GNG12: variants seen among roughly 807,000 people sequenced by gnomAD.
GNG12 encodes G protein subunit gamma 12.
For synonymous variants in GNG12, 28 were observed against 29.7 expected (o/e 0.94, Z 0.19); for missense variants, 69 against 83.8 (o/e 0.82, Z 0.69).
At chr1:67,731,872 A>AT (rs1557599165) in intron 2 of GNG12, among the ~76,000 whole-genome samples, 1 of 152,084 alleles carries the variant, frequency 6.6e-6, no homozygotes, top group Non-Finnish European at 1.5e-5. Flanking sequence ...TTGTATGCTT[A>AT]TTTTTTTATA....
At chr1:67,806,794 A>G in intron 1 of GNG12, among the ~76,000 whole-genome samples, 1 of 152,316 alleles carries the variant, frequency 6.6e-6, no homozygotes, top group South Asian at 2.1e-4. Context: ...TAAAAAACTA[A>G]TAGAACTTAA....
chr1:67,792,940 ACACT>A (rs1646810018), intron 1 of GNG12, among the ~76,000 whole-genome samples: 1 of 152,124 alleles, frequency 6.6e-6, no homozygotes, highest in African/African-American at 2.4e-5. Context: ...TTATCATGAC[ACACT>A]CAGTGGACAG....
intron 1 of GNG12, among the ~76,000 whole-genome samples, chr1:67,782,484 A>G: frequency 6.6e-6 from 1 of 152,168 alleles, no homozygotes; most frequent in Non-Finnish European, 1.5e-5. Context: ...CCTGGCTGGA[A>G]GAGCTGGTCT....
At chr1:67,771,645 C>T (rs776040105) in intron 2 of GNG12, among the ~76,000 whole-genome samples, 28 of 152,192 alleles carry the variant, frequency 1.8e-4, no homozygotes, top group Non-Finnish European at 1.2e-4. Flanking sequence ...ATGATGCTAT[C>T]ATCTGTGGGC....
At chr1:67,803,956 A>G (rs1178532247) in intron 1 of GNG12, among the ~76,000 whole-genome samples, 1 of 152,176 alleles carries the variant, frequency 6.6e-6, no homozygotes, top group Non-Finnish European at 1.5e-5. Context: ...TGGAGAGGAG[A>G]TGATGGTGGG....
intron 2 of GNG12, among the ~76,000 whole-genome samples, chr1:67,766,110 A>ACACG (rs1291746018): frequency 1.0e-4 from 4 of 38,444 alleles, no homozygotes; most frequent in Admixed American, 2.8e-4. Context: ...ACACACGCAC[A>ACACG]CACACACACA....
intron 2 of GNG12, among the ~76,000 whole-genome samples, chr1:67,767,951 G>A (rs12071581): frequency 0.14 from 21,653 of 152,150 alleles, 2,195 homozygotes; most frequent in African/African-American, 0.29. Context: ...TGATTTAAAA[G>A]CTTTTTTTGG....
At chr1:67,739,072 G>A (rs535828991) in intron 2 of GNG12, among the ~76,000 whole-genome samples, 21 of 152,272 alleles carry the variant, frequency 1.4e-4, no homozygotes, top group Non-Finnish European at 2.1e-4. Context: ...CCAGCTACTT[G>A]GGAGGCTGAG....
intron 1 of GNG12, among the ~76,000 whole-genome samples, chr1:67,785,955 C>T (rs1163352644): frequency 6.6e-6 from 1 of 152,058 alleles, no homozygotes; most frequent in African/African-American, 2.4e-5. Flanking sequence ...ACACAGCACA[C>T]AAGTACTAAA....
At position 67,822,142 on chromosome 1, in the gene GNG12, C is replaced by T. The variant is rs1012123036; in HGVS notation, c.-77+11202G>A. 2.6e-5 allele frequency among the ~76,000 whole-genome samples: 4 copies of T among 152,066 alleles called. No individual in the cohort carries two copies. In the South Asian group the frequency reaches 8.3e-4, roughly 32 times the overall value. ...ATTTGTATTGGGCCGCATTCAAAGT[C>T]GTCCTGGGCCGCATGCGCCCTGCAT... On this transcript the variant is annotated intron_variant, in intron 1 of 3. Transcript: ENST00000370982.
At chr1:67,757,882 A>C (rs1056813599) in intron 2 of GNG12, among the ~76,000 whole-genome samples, 1 of 152,260 alleles carries the variant, frequency 6.6e-6, no homozygotes, top group African/African-American at 2.4e-5. Flanking sequence ...ACTTAAAAAG[A>C]AAACGCAGCA....
chr1:67,764,427 C>T (rs1173141729), intron 2 of GNG12, among the ~76,000 whole-genome samples: 1 of 152,180 alleles, frequency 6.6e-6, no homozygotes, highest in Non-Finnish European at 1.5e-5. Context: ...CAAAGCCTAC[C>T]CTTCTCCTCT....
chr1:67,819,165 A>C (rs1486272764), intron 1 of GNG12, among the ~76,000 whole-genome samples: 1 of 152,084 alleles, frequency 6.6e-6, no homozygotes, highest in African/African-American at 2.4e-5. Context: ...CCCAGGCTTT[A>C]GTTGGGGGCA....
chr1:67,731,936 G>A lies in GNG12; in HGVS notation c.-26-24224C>T, dbSNP rs112903598. Among the ~76,000 whole-genome samples the A allele has an allele frequency of 5.1e-3, 774 of 152,242 alleles. 5 individuals carry two copies. The highest frequency in any genetic ancestry group is 0.017 in the African/African-American group (689 of 41,514). On this transcript the variant is annotated intron_variant, in intron 2 of 3. Transcript: ENST00000370982. ...TGGAAGACAAAAATGGTTTCAGTGC[G>A]AGCATGCTGTCTTACATGCGGTGGC...
chr1:67,716,441 C>T (rs1646326155), intron 2 of GNG12, among the ~76,000 whole-genome samples: 1 of 152,124 alleles, frequency 6.6e-6, no homozygotes, highest in Admixed American at 6.5e-5. Context: ...TGAGTCTGTG[C>T]CAGGTAAGTA....
intron 2 of GNG12, among the ~76,000 whole-genome samples, chr1:67,727,760 G>A (rs1646395232): frequency 1.3e-5 from 2 of 152,138 alleles, no homozygotes; most frequent in Admixed American, 6.5e-5. Flanking sequence ...CAATTTACAA[G>A]GCGCTTTCTC....
chr1:67,773,251 G>C (rs11209151), intron 2 of GNG12, among the ~76,000 whole-genome samples: 38,440 of 151,976 alleles, frequency 0.25, 6,827 homozygotes, highest in African/African-American at 0.51. Context: ...CTACGACATT[G>C]TTGCAAAAAA....
rs1288832983 is a variant in GNG12, at chr1:67,705,382, A to G, written c.*69T>C. On this transcript the variant is annotated 3_prime_UTR_variant, in exon 4 of 4. Coordinates refer to ENST00000370982, the MANE Select transcript of GNG12 (RefSeq NM_018841.6). ...AGTGGTTACCAAATAAGCTGAAGGT[A>G]AATCTCTTCAAGGAGCTGCTCATAA... The G allele has an allele frequency of 1.6e-5, 25 of 1,577,720 alleles. No individual in the cohort carries two copies. The highest frequency in any genetic ancestry group is 3.7e-5 in the Admixed American group (2 of 54,648).
At chr1:67,778,435 G>A (rs757119276) in intron 1 of GNG12, among the ~76,000 whole-genome samples, 119 of 152,146 alleles carry the variant, frequency 7.8e-4, no homozygotes, top group Middle Eastern at 3.4e-3. Flanking sequence ...CAAGAAGTCC[G>A]ACGCATATGA....
Sources: gnomAD v4.1 joint callset for allele counts (sites outside exome capture counted in the v4.1 genomes callset) on GRCh38, gnomAD v4.1.1 for gene constraint, MANE v1.5 for transcripts, NCBI Gene and HGNC (gene_info 2026-07-23, HGNC 2026-07-21) for gene names.